DHX9: variants seen among roughly 807,000 people sequenced by gnomAD.
DHX9 encodes ATP-dependent RNA helicase A.
Under a neutral mutation model 148.7 loss-of-function variants are expected in DHX9, and 27 were observed. The ratio of observed to expected loss-of-function variants is 0.18; its 90% CI spans 0.13 to 0.25. The LOEUF (loss-of-function observed/expected upper bound fraction) is 0.25, where lower values mean the gene tolerates loss of function less well. Ranked by LOEUF, DHX9 falls within the 10% of genes least tolerant of loss-of-function variation. The pLI is 1.00. For missense variants in DHX9, 796 were observed against 1,559.6 expected (o/e 0.51, Z 8.25); for synonymous variants, 529 against 516.6 (o/e 1.02, Z -0.33).
chr1:182,868,646 G>A (rs971614544), intron 14 of DHX9, among the ~76,000 whole-genome samples: 1 of 151,018 alleles, frequency 6.6e-6, no homozygotes, highest in Non-Finnish European at 1.5e-5. Context: ...CTCCCAAGTA[G>A]CTGGGATTAC....
At chr1:182,859,693 C>T (rs955959008) in intron 11 of DHX9, among the ~76,000 whole-genome samples, 14 of 151,966 alleles carry the variant, frequency 9.2e-5, no homozygotes, top group Admixed American at 8.5e-4. Flanking sequence ...GCTCACTGCA[C>T]CCTCCGCCTC....
intron 15 of DHX9, among the ~76,000 whole-genome samples, chr1:182,874,550 A>G (rs1200315709): frequency 6.6e-6 from 1 of 152,184 alleles, no homozygotes; most frequent in Non-Finnish European, 1.5e-5. Flanking sequence ...CTTTCCATGT[A>G]TAACTCCCAC....
Position 182,842,527 on chromosome 1 carries a change from TGAC to T in DHX9, c.-22-17_-22-15del, listed in dbSNP as rs765266780. ...TGCTATTATAAATGCTGTTTTTAACTGACTTTTGTTTTCTTAGATCTGAAGAAG... is the reference window on the plus strand; with the variant it reads ...TGCTATTATAAATGCTGTTTTTAACTTTTTGTTTTCTTAGATCTGAAGAAG... On this transcript the variant is annotated splice_polypyrimidine_tract_variant and intron_variant, in intron 1 of 27. Transcript: ENST00000367549. The T allele has an allele frequency of 6.7e-7, 1 of 1,500,838 alleles. No individual in the cohort carries two copies. Among genetic ancestry groups the T allele is most frequent in the Non-Finnish European group, 9.2e-7 (1 of 1,092,342 alleles). 93.0% of individuals were successfully genotyped at this position (1,500,838 alleles called of 1,614,324 possible).
chr1:182,840,024 G>A (rs76188779), intron 1 of DHX9: 2,697 of 152,506 alleles, frequency 0.018, 70 homozygotes, highest in African/African-American at 0.056. Context: ...GAAGGGATTA[G>A]TTATCGCTTA....
intron 3 of DHX9, among the ~76,000 whole-genome samples, chr1:182,846,863 GACTTGAT>G (rs1668040733): frequency 6.6e-6 from 1 of 150,896 alleles, no homozygotes; most frequent in African/African-American, 2.4e-5. Flanking sequence ...TATTTATAAA[GACTTGAT>G]ATCCCACAGG....
intron 24 of DHX9, among the ~76,000 whole-genome samples, chr1:182,882,024 T>C (rs77566040): frequency 0.026 from 3,964 of 152,300 alleles, 168 homozygotes; most frequent in African/African-American, 0.092. Flanking sequence ...GGTTAAAATA[T>C]AGAATTACTT....
intron 6 of DHX9, 105 bp downstream of exon 6, chr1:182,854,283 AT>A: frequency 9.6e-7 from 1 of 1,046,080 alleles, no homozygotes. Context: ...AATTGTGTGG[AT>A]TAGAATTGAA....
At chr1:182,847,080 G>A (rs1482268457) in intron 3 of DHX9, among the ~76,000 whole-genome samples, 1 of 151,862 alleles carries the variant, frequency 6.6e-6, no homozygotes, top group Non-Finnish European at 1.5e-5. Flanking sequence ...TTTCTCTGGT[G>A]GCATTTCTTT....
chr1:182,884,370 CTT>C (rs765530058), intron 26 of DHX9, among the ~76,000 whole-genome samples: 239 of 152,096 alleles, frequency 1.6e-3, no homozygotes, highest in Non-Finnish European at 2.0e-3. Context: ...GCTTGATAGA[CTT>C]TTTGGCTTAA....
At chr1:182,879,550 C>T (rs890881667) in intron 21 of DHX9, 140 bp downstream of exon 21, 7 of 684,210 alleles carry the variant, frequency 1.0e-5, no homozygotes, top group African/African-American at 3.7e-5. Flanking sequence ...GGCCTCCAGT[C>T]TTACCTTAGA....
At chr1:182,863,694 T>A (rs1360165327) in intron 12 of DHX9, among the ~76,000 whole-genome samples, 1 of 152,150 alleles carries the variant, frequency 6.6e-6, no homozygotes, top group Non-Finnish European at 1.5e-5. Context: ...TGAGAAAGGT[T>A]TAAATAGTCA....
chr1:182,853,552 A>G (rs753563496), intron 5 of DHX9, 134 bp downstream of exon 5: 17 of 605,518 alleles, frequency 2.8e-5, no homozygotes, highest in African/African-American at 2.7e-4. Context: ...ACTACTTATT[A>G]GCACAAGTCA....
chr1:182,869,363 A>C (rs1423845357), intron 14 of DHX9, among the ~76,000 whole-genome samples: 1 of 151,554 alleles, frequency 6.6e-6, no homozygotes, highest in Non-Finnish European at 1.5e-5. Flanking sequence ...TGTCTGGTCT[A>C]ATCTAGTCCG....
At chr1:182,873,243 A>G (rs576268862) in intron 15 of DHX9, among the ~76,000 whole-genome samples, 1 of 152,230 alleles carries the variant, frequency 6.6e-6, no homozygotes, top group Non-Finnish European at 1.5e-5. Flanking sequence ...GTCTAGAGCC[A>G]CTGCGCCCAG....
At chr1:182,879,955 C>T (rs1046857256) in intron 21 of DHX9, among the ~76,000 whole-genome samples, 1 of 152,162 alleles carries the variant, frequency 6.6e-6, no homozygotes, top group Non-Finnish European at 1.5e-5. Flanking sequence ...AACTCCCGAC[C>T]TCAAGTGATC....
intron 13 of DHX9, 98 bp from the exon 14 acceptor site, chr1:182,866,863 A>C (rs1648316947): frequency 1.1e-6 from 1 of 948,424 alleles, no homozygotes; most frequent in South Asian, 1.7e-5. Context: ...TTATTTTCTA[A>C]AATGATGCTG....
rs766143333 is a variant in DHX9, at chr1:182,883,094, C to G, written c.2915-45C>G. ...AATAGTTTGCATGTAATGTGAAGATCAGCCAGTTATCTGATTTTTGTTTTC... is the reference window on the plus strand; with the variant it reads ...AATAGTTTGCATGTAATGTGAAGATGAGCCAGTTATCTGATTTTTGTTTTC... On this transcript the variant is annotated intron_variant, in intron 24 of 27. Transcript: ENST00000367549. 4 of 1,298,100 alleles carry G rather than the reference C, an allele frequency of 3.1e-6. No homozygotes were observed. The South Asian group carries it at 3.6e-5, about 12-fold the overall frequency. 80.4% of individuals were successfully genotyped at this position (1,298,100 alleles called of 1,614,324 possible).
In DHX9 at chr1:182,879,560, A is replaced by G. The variant is rs1006527177; in HGVS notation, c.2512+150A>G. 12 of 583,670 alleles carry G rather than the reference A, an allele frequency of 2.1e-5. No individual in the cohort carries two copies. The East Asian group carries it at 2.3e-4, about 11-fold the overall frequency. The allele number at this position is 583,670 out of a possible 1,614,324, so 36.2% of individuals were successfully genotyped here. A position where few individuals can be genotyped will look rare whatever the true frequency, so the allele number is the denominator to read the frequency against. On this transcript the variant is annotated intron_variant, in intron 21 of 27. Coordinates refer to ENST00000367549, the MANE Select transcript of DHX9 (RefSeq NM_001357.5). ...AGTAAGGCCTCCAGTCTTACCTTAGATAGTTAGTATAGTCACTGTTCTAAT... is the reference window on the plus strand; with the variant it reads ...AGTAAGGCCTCCAGTCTTACCTTAGGTAGTTAGTATAGTCACTGTTCTAAT...
Position 182,883,637 on chromosome 1 carries a change from T to TA in DHX9, c.3260+3dup. ...GCAGATTGTGCTTGTAGATGACTGG[T>TA]ATGGATTTTCAGATGTGAACTCCAA... is the stretch of plus-strand genomic sequence containing the variant. On this transcript the variant is annotated splice_region_variant and intron_variant, in intron 26 of 27. Coordinates refer to ENST00000367549, the MANE Select transcript of DHX9 (RefSeq NM_001357.5). The TA allele has an allele frequency of 6.2e-7, 1 of 1,605,446 alleles. No individual in the cohort carries two copies.
Sources: gnomAD v4.1 joint callset for allele counts (sites outside exome capture counted in the v4.1 genomes callset) on GRCh38, gnomAD v4.1.1 for gene constraint, MANE v1.5 for transcripts, NCBI Gene and HGNC (gene_info 2026-07-23, HGNC 2026-07-21) for gene names.